Variants in MKNK1 observed in about 807,000 individuals in gnomAD.
The protein encoded by MKNK1 is MAPK interacting serine/threonine kinase 1.
MKNK1 carries 30 observed loss-of-function variants against 49.3 expected under a neutral mutation model. That is an observed-to-expected ratio of 0.61 (90% confidence interval 0.46 to 0.83). The LOEUF (loss-of-function observed/expected upper bound fraction) is 0.83. MKNK1 is among the 40% of genes least tolerant of loss of function. MKNK1 has a pLI of 0.00. For synonymous variants in MKNK1, 176 were observed against 201.7 expected (o/e 0.87, Z 1.08); for missense variants, 423 against 524.7 (o/e 0.81, Z 1.89).
At chr1:46,567,102 C>T (rs1669198757) in intron 8 of MKNK1, among the ~76,000 whole-genome samples, 2 of 152,110 alleles carry the variant, frequency 1.3e-5, no homozygotes, top group South Asian at 4.1e-4. Context: ...ACCGCTGTGA[C>T]CAGCTAATTT....
At chr1:46,568,555 C>T in intron 7 of MKNK1, 57 bp from the exon 8 acceptor site, 1 of 1,490,176 alleles carries the variant, frequency 6.7e-7, no homozygotes, top group Non-Finnish European at 9.3e-7. Flanking sequence ...ATCAAACATT[C>T]CACACACAAT....
intron 1 of MKNK1, among the ~76,000 whole-genome samples, chr1:46,599,601 C>A (rs1380239235): frequency 1.3e-5 from 2 of 152,198 alleles, no homozygotes; most frequent in Non-Finnish European, 2.9e-5. Flanking sequence ...CTGGGACCAT[C>A]TTTGCTCCAG....
chr1:46,590,208 AG>A (rs1673145476), intron 2 of MKNK1, among the ~76,000 whole-genome samples: 1 of 152,234 alleles, frequency 6.6e-6, no homozygotes, highest in African/African-American at 2.4e-5. Flanking sequence ...AGGGACTGAA[AG>A]GAAGTGTCAT....
chr1:46,560,544 C>T (rs1236922815), intron 11 of MKNK1, among the ~76,000 whole-genome samples: 1 of 152,236 alleles, frequency 6.6e-6, no homozygotes, highest in Non-Finnish European at 1.5e-5. Flanking sequence ...GGACCCAGCT[C>T]AAGGGTCACT....
chr1:46,585,534 T>C (rs1672437821), intron 2 of MKNK1: 1 of 273,704 alleles, frequency 3.7e-6, no homozygotes, highest in African/African-American at 2.2e-5. Context: ...TCTGCATCTA[T>C]TTTCTCATCG....
chr1:46,601,461 C>T (rs1356271184), intron 1 of MKNK1, among the ~76,000 whole-genome samples: 2 of 152,220 alleles, frequency 1.3e-5, no homozygotes, highest in Non-Finnish European at 2.9e-5. Context: ...TAGAAAACCA[C>T]CTGTGAGCTT....
intron 2 of MKNK1, among the ~76,000 whole-genome samples, chr1:46,590,391 G>A (rs1312312968): frequency 6.6e-6 from 1 of 152,192 alleles, no homozygotes; most frequent in African/African-American, 2.4e-5. Context: ...CACACATGCT[G>A]CTTACTGTAG....
At chr1:46,583,186 G>T in intron 3 of MKNK1, 42 bp downstream of exon 3, 1 of 1,512,806 alleles carries the variant, frequency 6.6e-7, no homozygotes, top group Non-Finnish European at 9.2e-7. Flanking sequence ...TCCCATGCTT[G>T]GGAAGCTGCA....
chr1:46,581,241 G>C lies in MKNK1; in HGVS notation c.101-614C>G, dbSNP rs1671687013. 2.6e-5 allele frequency among the ~76,000 whole-genome samples: 4 copies of C among 151,564 alleles called. No homozygotes were observed. The South Asian group carries it at 8.3e-4, about 31-fold the overall frequency. On this transcript the variant is annotated intron_variant, in intron 3 of 12. Transcript: ENST00000371945. ...AAATCTGTTCAGAGAGGCTGGGCAT[G>C]GTGGCTCACACCTGTAGTCCCGGCA... is the stretch of plus-strand genomic sequence containing the variant.
chr1:46,559,113 A>C (rs1165119929), intron 12 of MKNK1, among the ~76,000 whole-genome samples: 2 of 152,194 alleles, frequency 1.3e-5, no homozygotes. Context: ...GACTGGGCAC[A>C]TGAAACACAC....
rs1158501915 is a variant in MKNK1 at position 46,589,328 on chromosome 1, T to C, written c.-3+4785A>G. ...GGATGAGTGGGACAGGGCTGAGGCCTGGAAGAGAGTGTCCCAGACCAAGGA... is the reference window on the plus strand; with the variant it reads ...GGATGAGTGGGACAGGGCTGAGGCCCGGAAGAGAGTGTCCCAGACCAAGGA... On this transcript the variant is annotated intron_variant, in intron 2 of 12. Transcript: ENST00000371945. This position sits in a 1 kb window ranked among gnomAD's most constrained non-coding sequence, Gnocchi z 4.3. 6.6e-6 allele frequency among the ~76,000 whole-genome samples: 1 copy of C among 151,972 alleles called. No homozygotes were observed. Among genetic ancestry groups the C allele is most frequent in the Non-Finnish European group, 1.5e-5 (1 of 67,998 alleles).
chr1:46,586,764 C>T (rs1474503377), intron 2 of MKNK1, among the ~76,000 whole-genome samples: 8 of 152,166 alleles, frequency 5.3e-5, no homozygotes, highest in Admixed American at 3.9e-4. Context: ...CCTGGATAAA[C>T]TCCCTTTCGA....
chr1:46,580,740 G>A (rs1671608300), intron 3 of MKNK1, 113 bp from the exon 4 acceptor site: 2 of 713,088 alleles, frequency 2.8e-6, no homozygotes, highest in East Asian at 2.6e-5. Context: ...GGCACCCAAT[G>A]ACTCTAGCAC....
chr1:46,560,618 G>A (rs368219900), intron 11 of MKNK1, among the ~76,000 whole-genome samples: 1 of 152,218 alleles, frequency 6.6e-6, no homozygotes, highest in South Asian at 2.1e-4. Flanking sequence ...GCCCGGGATG[G>A]GGAGTGGGGT....
Position 46,594,178 on chromosome 1 carries a change from C to T in MKNK1, c.-68G>A, listed in dbSNP as rs903238645. 11 of 1,602,868 alleles carry T rather than the reference C, an allele frequency of 6.9e-6. No homozygotes were observed. The African/African-American group carries it at 1.5e-4, about 21-fold the overall frequency. ...ACTTGAAATCCCAAATGAAATAAAG[C>T]TCCTGTCAGGAAGTTGGTGTCTTCC... On this transcript the variant is annotated 5_prime_UTR_variant, in exon 2 of 13. Transcript: ENST00000371945.
intron 4 of MKNK1, among the ~76,000 whole-genome samples, chr1:46,579,986 TTTGTGAC>T (rs1476032373): frequency 1.3e-5 from 2 of 152,216 alleles, no homozygotes; most frequent in South Asian, 4.1e-4. Flanking sequence ...TGGATAGCAT[TTTGTGAC>T]GTGTAAAGTG....
intron 1 of MKNK1, among the ~76,000 whole-genome samples, chr1:46,599,755 G>A (rs1674506321): frequency 6.6e-6 from 1 of 152,132 alleles, no homozygotes; most frequent in African/African-American, 2.4e-5. Flanking sequence ...ATCTAACCTT[G>A]GGGAAGTCAC....
intron 9 of MKNK1, among the ~76,000 whole-genome samples, chr1:46,563,956 G>A (rs1305807419): frequency 6.7e-6 from 1 of 149,068 alleles, no homozygotes; most frequent in African/African-American, 2.5e-5. Context: ...GAGGCAGGAG[G>A]ATGGCATGAA....
At position 46,558,645 on chromosome 1, in the gene MKNK1, C is replaced by A. The variant is rs776962696; in HGVS notation, c.1169G>T (p.Arg390Leu). The A allele has an allele frequency of 3.7e-6, 6 of 1,614,082 alleles. No individual in the cohort carries two copies. Among genetic ancestry groups the A allele is most frequent in the Non-Finnish European group, 5.1e-6 (6 of 1,179,990 alleles). ...SMKLSPPCKSRLARRRALAQA... is the reference protein window; with the variant it reads ...SMKLSPPCKSLLARRRALAQA... The stretch of plus-strand genomic sequence containing the variant: ...GGCCAGGGCCCGTCTCCGGGCCAGG[C>A]GTGACTTGCAGGGAGGGGAAAGCTT... Residue 390 changes from arginine to leucine, a missense_variant, in exon 13 of 13, where the codon CGC (arginine) becomes CTC (leucine). By Grantham distance (102) the Arg-to-Leu change is moderately radical (BLOSUM62 -2). Coordinates refer to ENST00000371945, the MANE Select transcript of MKNK1 (RefSeq NM_001135553.4).
Sources: allele counts gnomAD v4.1 joint callset (sites outside exome capture counted in the v4.1 genomes callset), GRCh38; gene constraint gnomAD v4.1.1; non-coding constraint Gnocchi (gnomAD v3.1); transcripts MANE v1.5; gene names NCBI Gene and HGNC (gene_info 2026-07-23, HGNC 2026-07-21).